The following TMC1 variants were observed in gnomAD, a reference collection of about 807,000 sequenced individuals.
TMC1 encodes transmembrane channel-like protein 1.
A neutral mutation model predicts 105.8 loss-of-function variants in TMC1; 84 were observed. The ratio of observed to expected loss-of-function variants is 0.79; its 90% confidence interval spans 0.67 to 0.95. The LOEUF (loss-of-function observed/expected upper bound fraction) is 0.95. Among genes scored for constraint, TMC1 ranks in the 40% least tolerant of loss-of-function variants. The pLI, the probability that TMC1 is intolerant of heterozygous loss-of-function variation, is 0.00. For synonymous variants in TMC1, 315 were observed against 311.5 expected (o/e 1.01, Z -0.12); for missense variants, 817 against 914.1 (o/e 0.89, Z 1.37).
chr9:72,568,205 C>T (rs1321284211), intron 1 of TMC1, among the ~76,000 whole-genome samples: 1 of 152,040 alleles, frequency 6.6e-6, no homozygotes, highest in African/African-American at 2.4e-5. Flanking sequence ...TCTCAACCCC[C>T]CAAACTGAAC....
In TMC1 at chr9:72,802,254, T is replaced by TATACATACATAC. The variant is rs33965711; in HGVS notation, c.1567-3106_1567-3095dup. 6.0e-3 allele frequency among the ~76,000 whole-genome samples: 902 copies of TATACATACATAC among 149,272 alleles called. 5 individuals carry two copies. The highest frequency in any genetic ancestry group is 0.023 in the South Asian group (107 of 4,710). ...ACATACATACATACATACATACATA[T>TATACATACATAC]ATACATACATACATACATACATACA... is the stretch of plus-strand genomic sequence containing the variant. On this transcript the variant is annotated intron_variant, in intron 17 of 23. Coordinates refer to ENST00000297784, the MANE Select transcript of TMC1 (RefSeq NM_138691.3).
Position 72,674,465 on chromosome 9 carries a change from G to T in TMC1, c.17-14244G>T, listed in dbSNP as rs1424716417. ...AAGAAAGACAATTTCTAGGTCATGA[G>T]AGTTATGTTTCCTAAAGGAAGGCAG... On this transcript the variant is annotated intron_variant, in intron 5 of 23. Transcript: ENST00000297784. 3.3e-5 allele frequency among the ~76,000 whole-genome samples: 5 copies of T among 152,226 alleles called. No individual in the cohort carries two copies. In the East Asian group the frequency reaches 9.6e-4, roughly 29 times the overall value.
intron 10 of TMC1, among the ~76,000 whole-genome samples, 159 bp downstream of exon 10, chr9:72,742,684 T>G (rs1282373180): frequency 2.0e-5 from 3 of 152,174 alleles, no homozygotes; most frequent in African/African-American, 7.2e-5. Flanking sequence ...TTATGCCTGC[T>G]TTCGTCACTG....
At chr9:72,633,481 T>G (rs1825482985) in intron 4 of TMC1, among the ~76,000 whole-genome samples, 1 of 152,136 alleles carries the variant, frequency 6.6e-6, no homozygotes, top group African/African-American at 2.4e-5. Flanking sequence ...GCCTGTCAAG[T>G]CATAGGTGGT....
intron 20 of TMC1, among the ~76,000 whole-genome samples, chr9:72,823,302 C>T (rs1259761774): frequency 6.6e-6 from 1 of 152,046 alleles, no homozygotes; most frequent in Non-Finnish European, 1.5e-5. Context: ...TGCTTGTATG[C>T]TTGTACTAGT....
chr9:72,534,952 C>G (rs1305873176), intron 1 of TMC1, among the ~76,000 whole-genome samples: 6 of 151,976 alleles, frequency 3.9e-5, no homozygotes, highest in East Asian at 1.9e-4. Context: ...TTTTCATGAT[C>G]ACTACTCTTA....
Position 72,627,964 on chromosome 9 carries a change from T to A in TMC1, c.-152T>A. On this transcript the variant is annotated 5_prime_UTR_variant, in exon 4 of 24. Coordinates refer to ENST00000297784, the MANE Select transcript of TMC1 (RefSeq NM_138691.3). ...AATGGAAAACCCCCTGTGCTTCACATCTGAAAATCTCTGCTGGGGGCAGCA... is the reference window on the plus strand; with the variant it reads ...AATGGAAAACCCCCTGTGCTTCACAACTGAAAATCTCTGCTGGGGGCAGCA... 2.2e-6 allele frequency: 1 copy of A among 453,978 alleles called. No individual in the cohort carries two copies. Among genetic ancestry groups the A allele is most frequent in the Non-Finnish European group, 4.4e-6 (1 of 225,998 alleles). 28.1% of individuals were successfully genotyped at this position (453,978 alleles called of 1,614,324 possible). A position where few individuals can be genotyped will look rare whatever the true frequency, so the allele number is the denominator to read the frequency against.
At chr9:72,814,675 A>G (rs1207404535) in intron 18 of TMC1, among the ~76,000 whole-genome samples, 1 of 152,148 alleles carries the variant, frequency 6.6e-6, no homozygotes, top group Non-Finnish European at 1.5e-5. Flanking sequence ...AATCTGTTAC[A>G]AGGGAGATTG....
At chr9:72,658,388 A>T (rs1825916219) in intron 5 of TMC1, among the ~76,000 whole-genome samples, 1 of 151,628 alleles carries the variant, frequency 6.6e-6, no homozygotes, top group African/African-American at 2.4e-5. Context: ...AATCTCTTTC[A>T]GTCTATCTTA....
intron 20 of TMC1, 68 bp from the exon 21 acceptor site, chr9:72,826,801 T>C: frequency 1.3e-6 from 2 of 1,545,034 alleles, no homozygotes; most frequent in South Asian, 1.1e-5. Context: ...TTTCCAGTTT[T>C]CTTGCTTTAA....
chr9:72,635,482 G>A (rs1825518820), intron 4 of TMC1, among the ~76,000 whole-genome samples: 1 of 152,108 alleles, frequency 6.6e-6, no homozygotes, highest in African/African-American at 2.4e-5. Flanking sequence ...AACAAAAGAT[G>A]CTCCTGTTAC....
intron 6 of TMC1, among the ~76,000 whole-genome samples, chr9:72,692,237 A>T (rs1826477166): frequency 6.6e-6 from 1 of 152,240 alleles, no homozygotes; most frequent in South Asian, 2.1e-4. Flanking sequence ...GGGAACCTCC[A>T]GAAAAATCAG....
intron 8 of TMC1, among the ~76,000 whole-genome samples, chr9:72,731,982 A>G: frequency 6.6e-6 from 1 of 152,332 alleles, no homozygotes; most frequent in East Asian, 1.9e-4. Context: ...TTTTTAATGA[A>G]ATTGTAAATT....
rs111033462 is a variant in TMC1, at chr9:72,805,417, C to G, written c.1602C>G (p.Thr534=). 118 of 1,613,810 alleles carry G rather than the reference C, an allele frequency of 7.3e-5. No homozygotes were observed. In the African/African-American group the frequency reaches 1.5e-3, roughly 21 times the overall value. ...GGCTGACAGTCTCTGATGTTCTGAC[C>G]ACCTACGTCACAATCCTCATTGGGG... ...FVRLTVSDVL[T]TYVTILIGDF... Residue 534 remains threonine (T), a synonymous_variant, in exon 18 of 24, where the codon ACC becomes ACG. Transcript: ENST00000297784.
At chr9:72,824,510 G>A (rs1390744322) in intron 20 of TMC1, among the ~76,000 whole-genome samples, 1 of 152,206 alleles carries the variant, frequency 6.6e-6, no homozygotes, top group Non-Finnish European at 1.5e-5. Flanking sequence ...AGAGAGGGCA[G>A]TTGGAGAGGG....
chr9:72,635,335 C>T (rs1418038542), intron 4 of TMC1, among the ~76,000 whole-genome samples: 1 of 152,128 alleles, frequency 6.6e-6, no homozygotes. Context: ...ACATGCCCCT[C>T]CCTGGAGGTT....
At chr9:72,833,208 TA>T (rs1333255418) in intron 23 of TMC1, among the ~76,000 whole-genome samples, 2 of 152,228 alleles carry the variant, frequency 1.3e-5, no homozygotes, top group Non-Finnish European at 2.9e-5. Flanking sequence ...TCTTCACAGC[TA>T]AGCCAAGTAG....
chr9:72,810,276 C>T (rs141921103), intron 18 of TMC1, among the ~76,000 whole-genome samples: 27 of 152,034 alleles, frequency 1.8e-4, no homozygotes, highest in Non-Finnish European at 3.8e-4. Flanking sequence ...GAAGGACAAC[C>T]TGAGATAGGC....
chr9:72,545,330 T>TTTA (rs59435280), intron 1 of TMC1, among the ~76,000 whole-genome samples: 71 of 150,914 alleles, frequency 4.7e-4, no homozygotes, highest in Middle Eastern at 3.4e-3. Context: ...ATGTTTTTTT[T>TTTA]AAAAAAAAAC....
Sources: allele counts gnomAD v4.1 joint callset (sites outside exome capture counted in the v4.1 genomes callset), GRCh38; gene constraint gnomAD v4.1.1; transcripts MANE v1.5; gene names NCBI Gene and HGNC (gene_info 2026-07-23, HGNC 2026-07-21).